The following JHY variants were observed in gnomAD, a reference collection of about 807,000 sequenced individuals.
JHY encodes the protein junctional cadherin complex regulator.
In JHY, 69 loss-of-function variants were observed where a neutral mutation model predicts 78.0. The ratio of observed to expected loss-of-function variants is 0.88; its 90% CI spans 0.73 to 1.08. The LOEUF is 1.08. Among genes scored for constraint, JHY ranks in the 50% least tolerant of loss-of-function variants. The pLI, the probability that JHY is intolerant of heterozygous loss-of-function variation, is 0.00. For synonymous variants in JHY, 368 were observed against 342.6 expected (o/e 1.07, Z -0.82); for missense variants, 944 against 927.8 (o/e 1.02, Z -0.23).
chr11:122,896,157 G>A (rs996742489), intron 2 of JHY, among the ~76,000 whole-genome samples: 1 of 151,892 alleles, frequency 6.6e-6, no homozygotes, highest in African/African-American at 2.4e-5. Context: ...TTAGTCTGGC[G>A]TGTTTCTAAA....
chr11:122,923,096 G>C lies in JHY; in HGVS notation c.865-1801G>C, dbSNP rs535186408. On this transcript the variant is annotated intron_variant, in intron 3 of 8. Transcript: ENST00000227349. ...TGCAGCACAGGGGAATGAGACAGTC[G>C]GTCCTCTAAATAAGAGCAGGCTCAC... 2.3e-4 allele frequency among the ~76,000 whole-genome samples: 35 copies of C among 152,302 alleles called. No individual in the cohort carries two copies. In the South Asian group the frequency reaches 6.2e-3, roughly 27 times the overall value.
At chr11:122,940,548 A>T (rs936575888) in intron 5 of JHY, among the ~76,000 whole-genome samples, 2 of 152,176 alleles carry the variant, frequency 1.3e-5, no homozygotes, top group East Asian at 3.8e-4. Flanking sequence ...ATTATTGGTG[A>T]TGCTAAGTTA....
intron 2 of JHY, 61 bp from the exon 3 acceptor site, chr11:122,903,864 G>C: frequency 6.6e-7 from 1 of 1,503,920 alleles, no homozygotes; most frequent in East Asian, 2.3e-5. Context: ...ATGTTCAACT[G>C]ACTATAATGA....
chr11:122,946,955 C>T, intron 6 of JHY, 163 bp downstream of exon 6: 3 of 717,996 alleles, frequency 4.2e-6, no homozygotes, highest in Non-Finnish European at 6.5e-6. Flanking sequence ...CCTGCTACTC[C>T]CTGGGGTTTC....
chr11:122,952,506 A>G (rs1017043913), intron 6 of JHY, among the ~76,000 whole-genome samples: 14 of 152,144 alleles, frequency 9.2e-5, no homozygotes, highest in African/African-American at 3.4e-4. Context: ...CACTTCATCC[A>G]TCCTGTAAAG....
chr11:122,955,007 C>A (rs1266478060), intron 6 of JHY, among the ~76,000 whole-genome samples: 1 of 152,164 alleles, frequency 6.6e-6, no homozygotes, highest in African/African-American at 2.4e-5. Flanking sequence ...TCTTTTATAT[C>A]GTCTTTCCTA....
At chr11:122,958,636 T>C (rs1160694366) in intron 8 of JHY, 1 of 762,508 alleles carries the variant, frequency 1.3e-6, no homozygotes, top group South Asian at 6.0e-5. Context: ...AAAACTGTTA[T>C]AAAGGCAGGT....
chr11:122,963,217 G>A lies in JHY; in HGVS notation c.*3772G>A, dbSNP rs974669489. Among the ~76,000 whole-genome samples, 12 of 151,604 alleles carry A rather than the reference G, an allele frequency of 7.9e-5. No homozygotes were observed. Among genetic ancestry groups the A allele is most frequent in the East Asian group, 1.9e-4 (1 of 5,180 alleles). ...ATACTGTTTTTCTGTTAGCTTAAGC[G>A]TTGTTAAATCCTTCACTTTCACACC... On this transcript the variant is annotated 3_prime_UTR_variant, in exon 9 of 9. Coordinates refer to ENST00000227349, the MANE Select transcript of JHY (RefSeq NM_024806.4).
intron 2 of JHY, among the ~76,000 whole-genome samples, 153 bp downstream of exon 2, chr11:122,886,346 A>G (rs556510650): frequency 5.3e-5 from 8 of 152,322 alleles, no homozygotes; most frequent in African/African-American, 7.2e-5. Flanking sequence ...GCTGGGCACC[A>G]TGTTTTTTCC....
intron 2 of JHY, among the ~76,000 whole-genome samples, chr11:122,888,091 T>C (rs373584088): frequency 3.3e-5 from 5 of 152,204 alleles, no homozygotes; most frequent in African/African-American, 9.6e-5. Flanking sequence ...TGAATCAATC[T>C]CATAAGTGTC....
intron 7 of JHY, 107 bp from the exon 8 acceptor site, chr11:122,957,256 A>G: frequency 7.9e-7 from 1 of 1,271,988 alleles, no homozygotes; most frequent in South Asian, 2.0e-5. Context: ...GCTCCTGTAC[A>G]GCTGATAAGA....
chr11:122,957,296 G>A (rs978461600), intron 7 of JHY, 67 bp from the exon 8 acceptor site: 9 of 1,461,928 alleles, frequency 6.2e-6, no homozygotes, highest in Admixed American at 5.8e-5. Flanking sequence ...CCAGGGCATC[G>A]CTTTAAATAG....
intron 6 of JHY, 36 bp from the exon 7 acceptor site, chr11:122,956,460 C>A: frequency 6.3e-7 from 1 of 1,598,460 alleles, no homozygotes; most frequent in Non-Finnish European, 8.6e-7. Context: ...ACACACAAGT[C>A]CTTAAAAGAA....
At position 122,918,865 on chromosome 11, in the gene JHY, C is replaced by T. The variant is rs1863291405; in HGVS notation, c.865-6032C>T. On this transcript the variant is annotated intron_variant, in intron 3 of 8. Transcript: ENST00000227349. The stretch of plus-strand genomic sequence containing the variant: ...CATGGTCCGTCCTTTTTCCTGCCTT[C>T]CTGGAATTTACAGTCCAGAAGGGGG... 2.7e-5 allele frequency among the ~76,000 whole-genome samples: 4 copies of T among 146,472 alleles called. No homozygotes were observed. The South Asian group carries it at 8.3e-4, about 30-fold the overall frequency.
chr11:122,956,230 A>AAATAAAAGT (rs1386259552), intron 6 of JHY, among the ~76,000 whole-genome samples: 1 of 152,156 alleles, frequency 6.6e-6, no homozygotes, highest in African/African-American at 2.4e-5. Flanking sequence ...TTTATTTGTA[A>AAATAAAAGT]TTTCAGAATT....
chr11:122,957,291 G>A (rs1030368289), intron 7 of JHY, 72 bp from the exon 8 acceptor site: 1 of 1,449,744 alleles, frequency 6.9e-7, no homozygotes, highest in Non-Finnish European at 9.1e-7. Flanking sequence ...TGAAACCAGG[G>A]CATCGCTTTA....
intron 6 of JHY, among the ~76,000 whole-genome samples, chr11:122,948,220 G>C (rs1266159444): frequency 6.6e-6 from 1 of 151,892 alleles, no homozygotes; most frequent in African/African-American, 2.4e-5. Flanking sequence ...GAGGTGTGTG[G>C]ATCACCTGAG....
chr11:122,915,463 A>G (rs1427188563), intron 3 of JHY, among the ~76,000 whole-genome samples: 2 of 152,184 alleles, frequency 1.3e-5, no homozygotes, highest in African/African-American at 4.8e-5. Context: ...ACAAGAGGCA[A>G]TCATGGAACT....
At chr11:122,948,540 G>A (rs1036307863) in intron 6 of JHY, among the ~76,000 whole-genome samples, 1 of 151,486 alleles carries the variant, frequency 6.6e-6, no homozygotes, top group Non-Finnish European at 1.5e-5. Flanking sequence ...CCCCTCCTCA[G>A]AGGAAGCTTC....
Sources: gnomAD v4.1 joint callset for allele counts (sites outside exome capture counted in the v4.1 genomes callset) on GRCh38, gnomAD v4.1.1 for gene constraint, MANE v1.5 for transcripts, NCBI Gene and HGNC (gene_info 2026-07-23, HGNC 2026-07-21) for gene names.